The following RBMS1 variants were observed in gnomAD, a reference collection of about 807,000 sequenced individuals.
RBMS1 encodes RNA binding motif single stranded interacting protein 1.
Under a neutral mutation model 62.3 loss-of-function variants are expected in RBMS1, and 17 were observed. That is an observed-to-expected ratio of 0.27 (90% confidence interval 0.19 to 0.41). RBMS1 has a LOEUF of 0.41. Ranked by LOEUF, RBMS1 falls within the 10% of genes least tolerant of loss-of-function variation. The probability of loss-of-function intolerance (pLI) is 1.00; values close to 1 mark genes in which losing one functional copy is unlikely to be tolerated. For synonymous variants in RBMS1, 172 were observed against 170.0 expected, an observed-to-expected ratio of 1.01 and a Z score of -0.09; for missense variants, 334 against 504.5, an observed-to-expected ratio of 0.66 and a Z score of 3.24.
At chr2:160,277,075 G>A (rs1447276843) in intron 12 of RBMS1, among the ~76,000 whole-genome samples, 1 of 152,090 alleles carries the variant, frequency 6.6e-6, no homozygotes, top group Non-Finnish European at 1.5e-5. Flanking sequence ...TTGTAGAGAT[G>A]GGATCTCACT....
rs866608504 is a variant in RBMS1 at position 160,485,340 on chromosome 2, C to T, written c.75+7949G>A. On this transcript the variant is annotated intron_variant, in intron 1 of 13. Coordinates refer to ENST00000348849, the MANE Select transcript of RBMS1 (RefSeq NM_016836.4). Reference sequence around the variant, plus strand: ...CTTGTTGAAAGATTGTAGAAGAACCCTGTCTTCCCACTCACCCAAAGAAAG... The same window carrying T: ...CTTGTTGAAAGATTGTAGAAGAACCTTGTCTTCCCACTCACCCAAAGAAAG... 5.3e-5 allele frequency among the ~76,000 whole-genome samples: 8 copies of T among 152,288 alleles called. 1 individual carries two copies. The South Asian group carries it at 1.7e-3, about 32-fold the overall frequency.
At chr2:160,281,526 C>G (rs1474441759) in intron 9 of RBMS1, 162 bp from the exon 10 acceptor site, 1 of 572,908 alleles carries the variant, frequency 1.7e-6, no homozygotes, top group African/African-American at 1.9e-5. Flanking sequence ...TCTTGGCAAA[C>G]TGGTCACTCT....
At chr2:160,393,856 G>A (rs1694997052) in intron 1 of RBMS1, among the ~76,000 whole-genome samples, 1 of 151,994 alleles carries the variant, frequency 6.6e-6, no homozygotes, top group African/African-American at 2.4e-5. Context: ...AGGATCTCTG[G>A]GTTCTAGTCC....
At chr2:160,337,934 G>C (rs147885100) in intron 2 of RBMS1, among the ~76,000 whole-genome samples, 2 of 152,114 alleles carry the variant, frequency 1.3e-5, no homozygotes, top group Non-Finnish European at 2.9e-5. Flanking sequence ...ATTCACCCCC[G>C]ACCAGGCATT....
chr2:160,389,629 T>G (rs1295061669), intron 1 of RBMS1, among the ~76,000 whole-genome samples: 1 of 128,030 alleles, frequency 7.8e-6, no homozygotes, highest in Non-Finnish European at 1.5e-5. Context: ...ACCCAGGAGG[T>G]GGAGGTTGCA....
chr2:160,414,449 T>C (rs2105258886), intron 1 of RBMS1, among the ~76,000 whole-genome samples: 1 of 152,186 alleles, frequency 6.6e-6, no homozygotes, highest in African/African-American at 2.4e-5. Flanking sequence ...CCAAGTTTTA[T>C]TTTCCCTCAA....
At chr2:160,414,717 T>C (rs1307362173) in intron 1 of RBMS1, among the ~76,000 whole-genome samples, 1 of 152,152 alleles carries the variant, frequency 6.6e-6, no homozygotes, top group Non-Finnish European at 1.5e-5. Context: ...TATAAGTTTC[T>C]GTCCCTAAGT....
At chr2:160,455,180 T>C (rs920934369) in intron 1 of RBMS1, among the ~76,000 whole-genome samples, 1 of 152,242 alleles carries the variant, frequency 6.6e-6, no homozygotes, top group Admixed American at 6.5e-5. Flanking sequence ...CAATTGAAAC[T>C]CAATTTTTTC....
intron 1 of RBMS1, among the ~76,000 whole-genome samples, chr2:160,444,255 A>C (rs1429689011): frequency 6.6e-6 from 1 of 152,182 alleles, no homozygotes; most frequent in African/African-American, 2.4e-5. Flanking sequence ...TTAAGCATCT[A>C]TCAAGATTCA....
At chr2:160,481,104 AG>A (rs1223013798) in intron 1 of RBMS1, among the ~76,000 whole-genome samples, 2 of 148,770 alleles carry the variant, frequency 1.3e-5, no homozygotes, top group Non-Finnish European at 1.5e-5. Context: ...AAAAAGCAGG[AG>A]TCCAGAAGAA....
chr2:160,424,373 G>GC (rs1224606728), intron 1 of RBMS1, among the ~76,000 whole-genome samples: 2 of 150,598 alleles, frequency 1.3e-5, no homozygotes, highest in Admixed American at 6.6e-5. Flanking sequence ...ATTGGGGGGG[G>GC]GGGGAAACAA....
At chr2:160,294,947 G>C (rs115888879) in intron 6 of RBMS1, among the ~76,000 whole-genome samples, 1,743 of 151,066 alleles carry the variant, frequency 0.012, 21 homozygotes, top group Admixed American at 0.039. Context: ...ACCATTCAGG[G>C]GATATAAAGA....
rs1382377186 is a variant in RBMS1, at chr2:160,308,583, C to T, written c.402+4573G>A. On this transcript the variant is annotated intron_variant, in intron 4 of 13. Transcript: ENST00000348849. The stretch of plus-strand genomic sequence containing the variant: ...ATACCTCTTGTAACTATAATGATAT[C>T]ATAAAAAAGAAATCAGGTCTAGGAA... Among the ~76,000 whole-genome samples, 4 of 152,042 alleles carry T rather than the reference C, an allele frequency of 2.6e-5. No homozygotes were observed. The East Asian group carries it at 7.7e-4, about 29-fold the overall frequency.
intron 2 of RBMS1, among the ~76,000 whole-genome samples, chr2:160,334,034 CT>C (rs945515289): frequency 6.6e-6 from 1 of 151,992 alleles, no homozygotes; most frequent in African/African-American, 2.4e-5. Context: ...TTTATAAATC[CT>C]TTTTTTGACA....
intron 12 of RBMS1, 93 bp from the exon 13 acceptor site, chr2:160,275,807 A>C (rs1314234793): frequency 6.4e-7 from 1 of 1,551,116 alleles, no homozygotes; most frequent in African/African-American, 1.4e-5. Context: ...GTGCCTTAAA[A>C]ACAGTTACTC....
chr2:160,295,875 A>G lies in RBMS1; in HGVS notation c.640+4776T>C, dbSNP rs115614783. Among the ~76,000 whole-genome samples, 206 of 152,370 alleles carry G rather than the reference A, an allele frequency of 1.4e-3. 1 individual carries two copies. The highest frequency in any genetic ancestry group is 4.6e-3 in the African/African-American group (192 of 41,604). On this transcript the variant is annotated intron_variant, in intron 6 of 13. Coordinates refer to ENST00000348849, the MANE Select transcript of RBMS1 (RefSeq NM_016836.4). ...CTTAGACTGATACACCATCAAAACA[A>G]AAGTGTCCTAGATGTTTTTCCTTCT...
chr2:160,296,386 A>G (rs992773920), intron 6 of RBMS1, among the ~76,000 whole-genome samples: 3 of 152,220 alleles, frequency 2.0e-5, no homozygotes, highest in African/African-American at 4.8e-5. Context: ...TAGTATTACA[A>G]GATCAGGTGT....
intron 2 of RBMS1, among the ~76,000 whole-genome samples, chr2:160,358,428 T>G (rs1186446450): frequency 6.6e-6 from 1 of 152,130 alleles, no homozygotes; most frequent in Non-Finnish European, 1.5e-5. Flanking sequence ...TAAGCCCTCA[T>G]TGTGTCATTT....
At chr2:160,454,156 C>T (rs190318193) in intron 1 of RBMS1, among the ~76,000 whole-genome samples, 65 of 152,256 alleles carry the variant, frequency 4.3e-4, no homozygotes, top group African/African-American at 1.5e-3. Context: ...TGTTACTGTT[C>T]AAATTAAGAT....
Sources: gnomAD v4.1 joint callset for allele counts (sites outside exome capture counted in the v4.1 genomes callset) on GRCh38, gnomAD v4.1.1 for gene constraint, MANE v1.5 for transcripts, NCBI Gene and HGNC (gene_info 2026-07-23, HGNC 2026-07-21) for gene names.